Variants in SHOC1 observed in about 807,000 individuals in gnomAD.
The protein encoded by SHOC1 is protein shortage in chiasmata 1 ortholog.
A neutral mutation model predicts 179.2 loss-of-function variants in SHOC1; 136 were observed. The ratio of observed to expected loss-of-function variants is 0.76; its 90% CI spans 0.66 to 0.87. The LOEUF is 0.87. SHOC1 is among the 40% of genes least tolerant of loss of function. The pLI is 0.00. For synonymous variants in SHOC1, 489 were observed against 586.6 expected, an observed-to-expected ratio of 0.83 and a Z score of 2.41; for missense variants, 1,538 against 1,700.8, an observed-to-expected ratio of 0.90 and a Z score of 1.68.
At chr9:111,773,026 C>CATGGAT (rs200681367) in intron 5 of SHOC1, among the ~76,000 whole-genome samples, 5,272 of 152,126 alleles carry the variant, frequency 0.035, 320 homozygotes, top group African/African-American at 0.12. Context: ...GGTGGGGCAT[C>CATGGAT]ATGGATATGG....
chr9:111,689,265 C>T (rs758611275), intron 27 of SHOC1, among the ~76,000 whole-genome samples: 13 of 150,694 alleles, frequency 8.6e-5, no homozygotes, highest in South Asian at 2.1e-4. Context: ...GCGTACCTTT[C>T]GTCCCAGCTA....
chr9:111,706,538 C>A (rs1177953367), intron 20 of SHOC1, 30 bp downstream of exon 20: 3 of 1,440,816 alleles, frequency 2.1e-6, no homozygotes, highest in South Asian at 1.5e-5. Flanking sequence ...TCTAATAAAG[C>A]AAAAAAAGGA....
chr9:111,794,592 CA>C (rs1368939198), intron 1 of SHOC1, among the ~76,000 whole-genome samples: 1 of 152,020 alleles, frequency 6.6e-6, no homozygotes, highest in East Asian at 1.9e-4. Context: ...TTAAAACAGA[CA>C]AAAAAACGTA....
chr9:111,692,578 T>C (rs1589370445), intron 26 of SHOC1, 67 bp from the exon 27 acceptor site: 6 of 1,239,728 alleles, frequency 4.8e-6, no homozygotes, highest in Non-Finnish European at 6.7e-6. Flanking sequence ...CTTATCTATA[T>C]GGAAAGAAGG....
intron 5 of SHOC1, among the ~76,000 whole-genome samples, chr9:111,762,224 G>A (rs1256731855): frequency 6.6e-6 from 1 of 152,112 alleles, no homozygotes; most frequent in Non-Finnish European, 1.5e-5. Context: ...GAGCCTAGAA[G>A]TTTGAGACCA....
intron 14 of SHOC1, 109 bp downstream of exon 14, chr9:111,723,683 T>A: frequency 8.9e-7 from 1 of 1,122,364 alleles, no homozygotes; most frequent in South Asian, 1.4e-5. Flanking sequence ...AAGAAATATC[T>A]GAAACAAGTG....
intron 1 of SHOC1, 40 bp from the exon 2 acceptor site, chr9:111,791,494 G>T: frequency 1.1e-6 from 1 of 939,970 alleles, no homozygotes; most frequent in Non-Finnish European, 1.5e-6. Flanking sequence ...TGGTAAAATA[G>T]CAAGTCAAGT....
chr9:111,753,865 A>G (rs1004674836), intron 8 of SHOC1, among the ~76,000 whole-genome samples: 4 of 152,194 alleles, frequency 2.6e-5, no homozygotes, highest in Admixed American at 2.6e-4. Context: ...AACAGAGAAT[A>G]GAAGAGTGGT....
At chr9:111,777,341 G>C (rs1835874893) in intron 4 of SHOC1, among the ~76,000 whole-genome samples, 1 of 152,084 alleles carries the variant, frequency 6.6e-6, no homozygotes, top group South Asian at 2.1e-4. Context: ...CTGGTCCCCA[G>C]GCAAAAAGTG....
chr9:111,750,059 G>C (rs1297966184), intron 8 of SHOC1, among the ~76,000 whole-genome samples: 3 of 152,060 alleles, frequency 2.0e-5, no homozygotes, highest in African/African-American at 7.2e-5. Context: ...TGGGATTGCT[G>C]GGTCAAATGG....
intron 18 of SHOC1, among the ~76,000 whole-genome samples, chr9:111,708,205 A>ATTTTTTT (rs202017385): frequency 7.2e-6 from 1 of 139,206 alleles, no homozygotes; most frequent in Non-Finnish European, 1.5e-5. Context: ...TTTATTTTTT[A>ATTTTTTT]TTTTTTATTT....
At chr9:111,711,483 C>G (rs565375119) in intron 18 of SHOC1, among the ~76,000 whole-genome samples, 37 of 152,240 alleles carry the variant, frequency 2.4e-4, no homozygotes, top group African/African-American at 8.9e-4. Flanking sequence ...TTAACAGGAA[C>G]CCCTCTCGCT....
At chr9:111,782,078 G>A (rs969071015) in intron 3 of SHOC1, among the ~76,000 whole-genome samples, 4 of 152,144 alleles carry the variant, frequency 2.6e-5, no homozygotes, top group African/African-American at 9.7e-5. Flanking sequence ...CAGGCGTGGT[G>A]GTGGGTGCCT....
intron 5 of SHOC1, among the ~76,000 whole-genome samples, chr9:111,759,970 A>G (rs1835066728): frequency 6.6e-6 from 1 of 152,242 alleles, no homozygotes; most frequent in Non-Finnish European, 1.5e-5. Context: ...AAAGGAAGTT[A>G]GTCAATCAAT....
At chr9:111,716,962 C>T (rs974307977) in intron 16 of SHOC1, among the ~76,000 whole-genome samples, 1 of 152,162 alleles carries the variant, frequency 6.6e-6, no homozygotes, top group Admixed American at 6.5e-5. Context: ...GTCACATGCC[C>T]TTTTATTTAG....
chr9:111,698,110 G>A (rs181748942), intron 24 of SHOC1, among the ~76,000 whole-genome samples: 99 of 152,320 alleles, frequency 6.5e-4, no homozygotes, highest in Non-Finnish European at 9.6e-4. Context: ...CAGATGGGTA[G>A]ATTGTAAAAA....
intron 10 of SHOC1, among the ~76,000 whole-genome samples, chr9:111,743,165 G>T (rs1834119822): frequency 6.6e-6 from 1 of 151,952 alleles, no homozygotes; most frequent in African/African-American, 2.4e-5. Flanking sequence ...AAATAATTGG[G>T]ACCATAAAAA....
intron 2 of SHOC1, among the ~76,000 whole-genome samples, chr9:111,789,800 C>G (rs963541514): frequency 1.8e-4 from 27 of 152,136 alleles, no homozygotes; most frequent in African/African-American, 6.5e-4. Flanking sequence ...TTGCAAGTGG[C>G]CAATACACAT....
chr9:111,702,981 G>T (rs890008582), intron 22 of SHOC1, among the ~76,000 whole-genome samples: 4 of 151,972 alleles, frequency 2.6e-5, no homozygotes, highest in Admixed American at 6.6e-5. Context: ...GCAGTGGAGC[G>T]TGCCTGTAGT....
Sources: allele counts gnomAD v4.1 joint callset (sites outside exome capture counted in the v4.1 genomes callset), GRCh38; gene constraint gnomAD v4.1.1; transcripts MANE v1.5; gene names NCBI Gene and HGNC (gene_info 2026-07-23, HGNC 2026-07-21).